Variants in PKHD1 observed in about 807,000 individuals in gnomAD.
PKHD1 encodes fibrocystin.
PKHD1 carries 291 observed loss-of-function variants against 412.0 expected under a neutral mutation model. That is an observed-to-expected ratio of 0.71 (90% CI 0.64 to 0.78). PKHD1 has a LOEUF of 0.78. Ranked by LOEUF, PKHD1 falls within the 30% of genes least tolerant of loss-of-function variation. The pLI is 0.00. For synonymous variants in PKHD1, 1,777 were observed against 1,821.5 expected (o/e 0.98, Z 0.62); for missense variants, 4,825 against 4,950.7 (o/e 0.97, Z 0.76).
intron 60 of PKHD1, chr6:51,722,081 CCTT>C: frequency 1.9e-6 from 3 of 1,612,740 alleles, no homozygotes; most frequent in South Asian, 1.1e-5. Flanking sequence ...ATGTCTCCAC[CCTT>C]CTTTTCTTCT....
In PKHD1 at chr6:51,911,783, C is replaced by A; in HGVS notation, c.6490+16G>T. On this transcript the variant is annotated intron_variant, in intron 39 of 66. Transcript: ENST00000371117. ...CTTTTTTGCTCATTAGACTTTCCAACAAAACACTCTTCTACCTTCTGGAGC... is the reference window on the plus strand; with the variant it reads ...CTTTTTTGCTCATTAGACTTTCCAAAAAAACACTCTTCTACCTTCTGGAGC... The A allele has an allele frequency of 1.9e-6, 3 of 1,608,822 alleles. No individual in the cohort carries two copies. Among genetic ancestry groups the A allele is most frequent in the Non-Finnish European group, 1.7e-6 (2 of 1,175,754 alleles).
intron 52 of PKHD1, among the ~76,000 whole-genome samples, chr6:51,809,214 A>G (rs1167717238): frequency 1.3e-5 from 2 of 152,136 alleles, no homozygotes; most frequent in Admixed American, 1.3e-4. Context: ...TATTTAATAT[A>G]AGACTCTAGT....
intron 55 of PKHD1, among the ~76,000 whole-genome samples, chr6:51,767,010 A>G (rs1789164828): frequency 6.6e-6 from 1 of 152,016 alleles, no homozygotes; most frequent in South Asian, 2.1e-4. Flanking sequence ...TTTGTTTTCT[A>G]ATCCACCTAT....
chr6:51,886,100 T>A, intron 44 of PKHD1, 128 bp from the exon 45 acceptor site: 1 of 714,494 alleles, frequency 1.4e-6, no homozygotes, highest in Non-Finnish European at 2.5e-6. Flanking sequence ...TCTGTGACCC[T>A]CCCCCTAACT....
intron 63 of PKHD1, among the ~76,000 whole-genome samples, chr6:51,644,973 C>G (rs961787387): frequency 6.6e-6 from 1 of 152,118 alleles, no homozygotes. Flanking sequence ...TCACTGAGCC[C>G]GGCCAATAAA....
At chr6:51,646,805 C>T (rs1205364942) in intron 63 of PKHD1, among the ~76,000 whole-genome samples, 1 of 152,176 alleles carries the variant, frequency 6.6e-6, no homozygotes, top group African/African-American at 2.4e-5. Context: ...GTTGTGATCT[C>T]CACCATCCCT....
At position 51,615,957 on chromosome 6, in the gene PKHD1, T is replaced by C. The variant is rs902804637; in HGVS notation, c.*3124A>G. ...CACAGTCCCTGCCCCCCAAAAAATG[T>C]CCCCCTCCCCAAACAAAAAGCATGG... is the stretch of plus-strand genomic sequence containing the variant. On this transcript the variant is annotated 3_prime_UTR_variant, in exon 67 of 67. Transcript: ENST00000371117. The C allele has an allele frequency of 1.3e-5, 2 of 151,080 alleles. No individual in the cohort carries two copies. Among genetic ancestry groups the C allele is most frequent in the African/African-American group, 4.9e-5 (2 of 40,994 alleles). 9.4% of individuals were successfully genotyped at this position (151,080 alleles called of 1,614,324 possible).
At chr6:51,734,104 G>A (rs1783550471) in intron 60 of PKHD1, among the ~76,000 whole-genome samples, 1 of 152,214 alleles carries the variant, frequency 6.6e-6, no homozygotes, top group East Asian at 1.9e-4. Context: ...GGACCCTAAT[G>A]TGTAGTATGA....
At chr6:51,975,979 A>G (rs907698523) in intron 35 of PKHD1, 1 of 151,048 alleles carries the variant, frequency 6.6e-6, no homozygotes, top group Non-Finnish European at 1.5e-5. Flanking sequence ...AAAAAAAAAA[A>G]AAAAAAAAAA....
At chr6:51,900,027 C>G (rs1009033135) in intron 43 of PKHD1, among the ~76,000 whole-genome samples, 17 of 152,034 alleles carry the variant, frequency 1.1e-4, no homozygotes, top group Non-Finnish European at 1.9e-4. Context: ...AGGATACAAA[C>G]AAATGGAAGA....
chr6:51,892,469 T>A (rs1779258073), intron 43 of PKHD1, among the ~76,000 whole-genome samples: 1 of 152,200 alleles, frequency 6.6e-6, no homozygotes, highest in African/African-American at 2.4e-5. Flanking sequence ...GCTACTGGTA[T>A]TCAGTGCATA....
At chr6:51,851,132 T>C (rs994004108) in intron 49 of PKHD1, among the ~76,000 whole-genome samples, 8 of 152,228 alleles carry the variant, frequency 5.3e-5, no homozygotes, top group Non-Finnish European at 8.8e-5. Context: ...TCAAAGGCCC[T>C]TTCTGCATCT....
chr6:51,781,166 C>T (rs1485632356), intron 53 of PKHD1, among the ~76,000 whole-genome samples: 2 of 152,096 alleles, frequency 1.3e-5, no homozygotes, highest in Admixed American at 6.6e-5. Context: ...TGGTAAATAG[C>T]ACTCAACCAA....
chr6:51,949,662 G>A (rs1196342865), intron 36 of PKHD1, among the ~76,000 whole-genome samples: 1 of 152,108 alleles, frequency 6.6e-6, no homozygotes, highest in Admixed American at 6.5e-5. Flanking sequence ...GCAAACGAGA[G>A]CCCCCAAGAG....
intron 55 of PKHD1, among the ~76,000 whole-genome samples, chr6:51,769,770 G>A (rs1273574200): frequency 1.3e-5 from 2 of 151,032 alleles, no homozygotes; most frequent in East Asian, 3.9e-4. Context: ...AAGTTTGTTT[G>A]CTTATTCAAT....
chr6:51,796,218 T>C (rs1379336796), intron 52 of PKHD1, among the ~76,000 whole-genome samples: 3 of 152,152 alleles, frequency 2.0e-5, no homozygotes, highest in Non-Finnish European at 4.4e-5. Flanking sequence ...ATTCAATTCT[T>C]CCTCGTTCAG....
At chr6:52,062,747 A>G in intron 13 of PKHD1, 87 bp from the exon 14 acceptor site, 3 of 1,508,462 alleles carry the variant, frequency 2.0e-6, no homozygotes, top group Admixed American at 3.3e-5. Flanking sequence ...AAGGTGAAAG[A>G]TGACCCAGAT....
chr6:51,759,836 CAG>C (rs1303286957), intron 55 of PKHD1, among the ~76,000 whole-genome samples: 1 of 152,220 alleles, frequency 6.6e-6, no homozygotes, highest in African/African-American at 2.4e-5. Context: ...GTAATTTACT[CAG>C]AGTTACACCT....
At chr6:51,953,774 T>A (rs1160264587) in intron 36 of PKHD1, among the ~76,000 whole-genome samples, 1 of 152,018 alleles carries the variant, frequency 6.6e-6, no homozygotes, top group East Asian at 1.9e-4. Context: ...GTAATGGACT[T>A]AAAAAGATCT....
Sources: gnomAD v4.1 joint callset for allele counts (sites outside exome capture counted in the v4.1 genomes callset) on GRCh38, gnomAD v4.1.1 for gene constraint, MANE v1.5 for transcripts, NCBI Gene and HGNC (gene_info 2026-07-23, HGNC 2026-07-21) for gene names.